TDP1: variants seen among roughly 807,000 people sequenced by gnomAD.
The protein encoded by TDP1 is tyr-DNA phosphodiesterase 1.
A neutral mutation model predicts 81.5 loss-of-function variants in TDP1; 64 were observed. The observed-to-expected ratio is 0.79, with a 90% confidence interval of 0.64 to 0.97. TDP1 has a LOEUF of 0.97. TDP1 is among the 50% of genes least tolerant of loss of function. TDP1 has a pLI of 0.00. For missense variants in TDP1, 723 were observed against 743.8 expected (o/e 0.97, Z 0.33); for synonymous variants, 256 against 264.3 (o/e 0.97, Z 0.30).
intron 14 of TDP1, among the ~76,000 whole-genome samples, chr14:90,006,401 T>C (rs907214903): frequency 3.3e-5 from 5 of 152,160 alleles, no homozygotes; most frequent in Admixed American, 6.5e-5. Flanking sequence ...AATTTTGAGA[T>C]AGGATTTCAC....
chr14:89,999,562 C>T (rs1897013162), intron 14 of TDP1, among the ~76,000 whole-genome samples: 2 of 152,158 alleles, frequency 1.3e-5, no homozygotes, highest in South Asian at 4.1e-4. Flanking sequence ...GAATAACCCA[C>T]TCCTCTTTAT....
At position 90,043,220 on chromosome 14, in the gene TDP1, C is replaced by T. The variant is rs9488; in HGVS notation, c.*77C>T. 0.074 allele frequency: 116,608 copies of T among 1,575,286 alleles called. 13,997 individuals are homozygous for T. Among genetic ancestry groups the T allele is most frequent in the African/African-American group, 0.55 (40,990 of 74,268 alleles). On this transcript the variant is annotated 3_prime_UTR_variant, in exon 17 of 17. Transcript: ENST00000335725. ...GGAATCTCTTCTTTGTACTGGATGTCCACTTCCCTTAAAGTCTTATTTGCA... is the reference window on the plus strand; with the variant it reads ...GGAATCTCTTCTTTGTACTGGATGTTCACTTCCCTTAAAGTCTTATTTGCA...
At chr14:89,983,143 G>A (rs1895181372) in intron 8 of TDP1, 1 of 455,862 alleles carries the variant, frequency 2.2e-6, no homozygotes, top group African/African-American at 2.0e-5. Flanking sequence ...CTCTGATCCA[G>A]GAGGAGCCTC....
At chr14:90,029,242 G>A (rs1358588258) in intron 15 of TDP1, among the ~76,000 whole-genome samples, 1 of 144,400 alleles carries the variant, frequency 6.9e-6, no homozygotes, top group Non-Finnish European at 1.5e-5. Flanking sequence ...TTGTCACCCA[G>A]GCTGGAGTGC....
chr14:89,980,714 CTATT>C, intron 8 of TDP1, 82 bp downstream of exon 8: 2 of 1,188,426 alleles, frequency 1.7e-6, no homozygotes, highest in South Asian at 2.7e-5. Context: ...ATTCTTTTTT[CTATT>C]TTTTTTTTAA....
intron 7 of TDP1, among the ~76,000 whole-genome samples, chr14:89,979,388 C>T (rs538811905): frequency 6.6e-6 from 1 of 151,866 alleles, no homozygotes; most frequent in South Asian, 2.1e-4. Context: ...CGGCTCACTG[C>T]AACCTCCGCC....
intron 14 of TDP1, among the ~76,000 whole-genome samples, chr14:90,001,834 T>G (rs530571490): frequency 6.6e-6 from 1 of 152,272 alleles, no homozygotes; most frequent in South Asian, 2.1e-4. Flanking sequence ...TTTTTTCATC[T>G]TCCCAGTTTA....
At chr14:89,998,424 G>GTATGTGTATATA (rs1566891327) in intron 14 of TDP1, among the ~76,000 whole-genome samples, 12 of 78,540 alleles carry the variant, frequency 1.5e-4, no homozygotes, top group African/African-American at 7.6e-4. Flanking sequence ...ATATATATAT[G>GTATGTGTATATA]TATGTATGTA....
intron 14 of TDP1, among the ~76,000 whole-genome samples, chr14:90,008,172 A>G (rs1168689118): frequency 6.6e-6 from 1 of 152,230 alleles, no homozygotes; most frequent in African/African-American, 2.4e-5. Flanking sequence ...TATTATCATT[A>G]AGCATATTGA....
At chr14:90,024,989 C>A (rs955476002) in intron 15 of TDP1, among the ~76,000 whole-genome samples, 2 of 152,170 alleles carry the variant, frequency 1.3e-5, no homozygotes, top group African/African-American at 4.8e-5. Context: ...TCCTTCATAT[C>A]TCTTGGGTAG....
chr14:90,032,113 G>C (rs527253566), intron 15 of TDP1, among the ~76,000 whole-genome samples: 1 of 152,132 alleles, frequency 6.6e-6, no homozygotes, highest in East Asian at 1.9e-4. Flanking sequence ...ATAAAGTGTC[G>C]AATGAACGAA....
At chr14:90,032,636 A>T (rs1002793495) in intron 15 of TDP1, 9 of 662,272 alleles carry the variant, frequency 1.4e-5, no homozygotes, top group Non-Finnish European at 1.7e-5. Context: ...AAGAATTTTC[A>T]TTTTTATACT....
At chr14:90,019,143 G>C in intron 14 of TDP1, 173 bp from the exon 15 acceptor site, 1 of 936,058 alleles carries the variant, frequency 1.1e-6, no homozygotes, top group Non-Finnish European at 1.3e-6. Context: ...TCGAGGATTA[G>C]AGAACAGCAG....
chr14:90,043,244 C>G lies in TDP1; in HGVS notation c.*101C>G. On this transcript the variant is annotated 3_prime_UTR_variant, in exon 17 of 17. Coordinates refer to ENST00000335725, the MANE Select transcript of TDP1 (RefSeq NM_018319.4). The stretch of plus-strand genomic sequence containing the variant: ...TCCACTTCCCTTAAAGTCTTATTTG[C>G]ACCCTTACAAAATCTTTCCAAAGGT... 6.9e-7 allele frequency: 1 copy of G among 1,450,156 alleles called. No individual in the cohort carries two copies. The highest frequency in any genetic ancestry group is 1.8e-5 in the Admixed American group (1 of 54,544). 89.8% of individuals were successfully genotyped at this position (1,450,156 alleles called of 1,614,324 possible). A position where few individuals can be genotyped will look rare whatever the true frequency, so the allele number is the denominator to read the frequency against.
At chr14:89,962,955 T>A in intron 2 of TDP1, 153 bp from the exon 3 acceptor site, 1 of 1,492,182 alleles carries the variant, frequency 6.7e-7, no homozygotes, top group Non-Finnish European at 8.9e-7. Flanking sequence ...ATTCTGGTAA[T>A]GTGCTTATAA....
intron 16 of TDP1, among the ~76,000 whole-genome samples, chr14:90,035,454 CT>C (rs1158376267): frequency 6.7e-6 from 1 of 149,914 alleles, no homozygotes; most frequent in African/African-American, 2.5e-5. Context: ...AGGATCTTAC[CT>C]GCCACCAAAA....
At chr14:89,975,423 T>A (rs1894168109) in intron 6 of TDP1, 1 of 985,358 alleles carries the variant, frequency 1.0e-6, no homozygotes, top group South Asian at 4.7e-5. Flanking sequence ...ACCATTAATT[T>A]CTGTATAAGC....
rs539080073 is a variant in TDP1, at chr14:90,016,286, C to T, written c.1542-3030C>T. On this transcript the variant is annotated intron_variant, in intron 14 of 16. Coordinates refer to ENST00000335725, the MANE Select transcript of TDP1 (RefSeq NM_018319.4). The stretch of plus-strand genomic sequence containing the variant: ...CTCGAACTCTCGACCTCAGATGATC[C>T]GCTGCCTTGGCCTCCCAAAGTGCTG... Among the ~76,000 whole-genome samples, 15 of 152,152 alleles carry T rather than the reference C, an allele frequency of 9.9e-5. 1 individual carries two copies. Among genetic ancestry groups the T allele is most frequent in the Middle Eastern group, 6.8e-3 (2 of 294 alleles).
rs146583849 is a variant in TDP1, at chr14:89,963,308, T to A, written c.194T>A (p.Phe65Tyr). The change falls in exon 3 of 17, where the codon TTC (phenylalanine) becomes TAC (tyrosine). Residue 65 changes from phenylalanine to tyrosine, a missense_variant. Physicochemically the swap from Phe to Tyr is conservative, Grantham distance 22 (BLOSUM62 3). Transcript: ENST00000335725. ...AHKRKISPVK[F>Y]SNTDSVLPPK... ...AAGAGGAAAATATCACCTGTGAAAT[T>A]CAGCAATACAGATTCAGTTTTACCT... 3.7e-5 allele frequency: 59 copies of A among 1,614,010 alleles called. No individual in the cohort carries two copies. The Admixed American group carries it at 9.7e-4, about 26-fold the overall frequency.
Sources: gnomAD v4.1 joint callset for allele counts (sites outside exome capture counted in the v4.1 genomes callset) on GRCh38, gnomAD v4.1.1 for gene constraint, MANE v1.5 for transcripts, NCBI Gene and HGNC (gene_info 2026-07-23, HGNC 2026-07-21) for gene names.